IKZF2: variants seen among roughly 807,000 people sequenced by gnomAD.
IKZF2 encodes zinc finger protein Helios.
IKZF2 carries 15 observed loss-of-function variants against 49.2 expected under a neutral mutation model. The observed-to-expected ratio is 0.30, with a 90% CI of 0.20 to 0.47. The LOEUF (loss-of-function observed/expected upper bound fraction) is 0.47. Ranked by LOEUF, IKZF2 falls within the 20% of genes least tolerant of loss-of-function variation. The probability of loss-of-function intolerance (pLI) is 1.00; values close to 1 mark genes in which losing one functional copy is unlikely to be tolerated. For missense variants in IKZF2, 567 were observed against 664.6 expected, an observed-to-expected ratio of 0.85 and a Z score of 1.61; for synonymous variants, 227 against 221.4, an observed-to-expected ratio of 1.03 and a Z score of -0.23.
chr2:213,125,099 G>C (rs2125859446), intron 4 of IKZF2, among the ~76,000 whole-genome samples: 1 of 152,198 alleles, frequency 6.6e-6, no homozygotes, highest in South Asian at 2.1e-4. Context: ...AAATACTTTG[G>C]AAGGGTTTCT....
chr2:213,096,863 A>G (rs1430933333), intron 4 of IKZF2, among the ~76,000 whole-genome samples: 1 of 152,026 alleles, frequency 6.6e-6, no homozygotes, highest in East Asian at 1.9e-4. Flanking sequence ...TAAAACCAAT[A>G]CAATGTTATT....
intron 4 of IKZF2, among the ~76,000 whole-genome samples, chr2:213,130,878 A>T (rs979857590): frequency 6.6e-6 from 1 of 152,212 alleles, no homozygotes; most frequent in Admixed American, 6.5e-5. Context: ...GAGATACAAT[A>T]AAAGATTACT....
intron 7 of IKZF2, chr2:213,021,769 T>C: frequency 1.7e-6 from 1 of 586,476 alleles, no homozygotes; most frequent in South Asian, 1.7e-5. Flanking sequence ...TCCTTTGGTA[T>C]ATGAAAGGTT....
intron 6 of IKZF2, among the ~76,000 whole-genome samples, chr2:213,045,497 T>C (rs967384395): frequency 3.9e-5 from 6 of 152,224 alleles, no homozygotes; most frequent in African/African-American, 1.4e-4. Context: ...TGTCATAACA[T>C]AGTCTGGAGA....
At chr2:213,127,942 C>T (rs538808340) in intron 4 of IKZF2, among the ~76,000 whole-genome samples, 11 of 151,706 alleles carry the variant, frequency 7.3e-5, no homozygotes, top group Non-Finnish European at 1.5e-4. Flanking sequence ...TGATGATCAA[C>T]CATAATAATT....
At chr2:213,136,308 T>C (rs1204223204) in intron 4 of IKZF2, among the ~76,000 whole-genome samples, 1 of 134,346 alleles carries the variant, frequency 7.4e-6, no homozygotes, top group Non-Finnish European at 1.5e-5. Flanking sequence ...GAGTGAAGGG[T>C]TGCAGTGAGC....
At chr2:213,081,839 A>G (rs1054880760) in intron 4 of IKZF2, among the ~76,000 whole-genome samples, 2 of 152,128 alleles carry the variant, frequency 1.3e-5, no homozygotes, top group Non-Finnish European at 2.9e-5. Context: ...ACTGTGTACT[A>G]AACTAGTGAG....
At chr2:213,026,968 T>C (rs1697883818) in intron 6 of IKZF2, among the ~76,000 whole-genome samples, 1 of 152,050 alleles carries the variant, frequency 6.6e-6, no homozygotes, top group South Asian at 2.1e-4. Context: ...TAGTTAGATA[T>C]GCCCATAAAA....
At chr2:213,032,368 A>G (rs1456883603) in intron 6 of IKZF2, among the ~76,000 whole-genome samples, 1 of 152,218 alleles carries the variant, frequency 6.6e-6, no homozygotes, top group African/African-American at 2.4e-5. Flanking sequence ...ACCATAATCT[A>G]TTAAGTGTGC....
At chr2:213,009,431 A>C (rs1050457319) in intron 8 of IKZF2, among the ~76,000 whole-genome samples, 4 of 152,140 alleles carry the variant, frequency 2.6e-5, no homozygotes, top group Non-Finnish European at 4.4e-5. Flanking sequence ...TCTTAAAAAC[A>C]TATGTGGGTT....
Position 213,039,057 on chromosome 2 carries a change from C to T in IKZF2, c.574+10656G>A, listed in dbSNP as rs550604798. The stretch of plus-strand genomic sequence containing the variant: ...GAAGATATGAAGAAGACCATCTTGT[C>T]TTACCAGTTTCTCTGAGGGCATGTA... On this transcript the variant is annotated intron_variant, in intron 6 of 8. Transcript: ENST00000434687. Among the ~76,000 whole-genome samples, 19 of 151,560 alleles carry T rather than the reference C, an allele frequency of 1.3e-4. No individual in the cohort carries two copies. In the South Asian group the frequency reaches 4.0e-3, roughly 32 times the overall value.
At chr2:213,041,952 G>T (rs1434059087) in intron 6 of IKZF2, among the ~76,000 whole-genome samples, 1 of 152,106 alleles carries the variant, frequency 6.6e-6, no homozygotes, top group East Asian at 1.9e-4. Context: ...TTTAAGGTGT[G>T]GTAGTAGTGA....
chr2:213,046,771 G>C (rs1700189861), intron 6 of IKZF2, among the ~76,000 whole-genome samples: 1 of 152,126 alleles, frequency 6.6e-6, no homozygotes, highest in Non-Finnish European at 1.5e-5. Context: ...TCTCCAGAGG[G>C]CATTCACTGT....
chr2:213,139,071 T>C (rs930870961), intron 4 of IKZF2, among the ~76,000 whole-genome samples: 1 of 152,004 alleles, frequency 6.6e-6, no homozygotes, highest in African/African-American at 2.4e-5. Flanking sequence ...ATTGTCTTCA[T>C]AAAGTTAGGC....
At chr2:213,040,458 T>C (rs1375970573) in intron 6 of IKZF2, among the ~76,000 whole-genome samples, 1 of 152,122 alleles carries the variant, frequency 6.6e-6, no homozygotes, top group Non-Finnish European at 1.5e-5. Flanking sequence ...ATGTTTCTCA[T>C]ATATTAAAAT....
rs76809746 is a variant in IKZF2, at chr2:213,029,859, C to T, written c.575-7729G>A. Among the ~76,000 whole-genome samples, 705 of 152,074 alleles carry T rather than the reference C, an allele frequency of 4.6e-3. 9 individuals carry two copies. The highest frequency in any genetic ancestry group is 0.034 in the Middle Eastern group (10 of 294). ...CAAAATTATTAAGACACTACAGTCA[C>T]AATGAACCAAGAAAGTTTGGGAAAC... On this transcript the variant is annotated intron_variant, in intron 6 of 8. Coordinates refer to ENST00000434687, the MANE Select transcript of IKZF2 (RefSeq NM_001387220.1).
At chr2:213,150,721 A>C (rs1166258999) in intron 1 of IKZF2, among the ~76,000 whole-genome samples, 1 of 83,834 alleles carries the variant, frequency 1.2e-5, no homozygotes, top group African/African-American at 4.9e-5. Flanking sequence ...GGGCGGGTAG[A>C]GGGGAGGGAC....
intron 4 of IKZF2, among the ~76,000 whole-genome samples, chr2:213,104,961 T>C (rs2059475695): frequency 6.6e-6 from 1 of 152,098 alleles, no homozygotes; most frequent in South Asian, 2.1e-4. Flanking sequence ...CCTATCTAGA[T>C]CCTTTCACAC....
At chr2:213,100,546 C>T (rs149120806) in intron 4 of IKZF2, among the ~76,000 whole-genome samples, 120 of 152,074 alleles carry the variant, frequency 7.9e-4, no homozygotes, top group African/African-American at 2.8e-3. Context: ...ATTTAACATA[C>T]TGTCTTAAAA....
Sources: gnomAD v4.1 joint callset for allele counts (sites outside exome capture counted in the v4.1 genomes callset) on GRCh38, gnomAD v4.1.1 for gene constraint, MANE v1.5 for transcripts, NCBI Gene and HGNC (gene_info 2026-07-23, HGNC 2026-07-21) for gene names.